PTBP3: variants seen among roughly 807,000 people sequenced by gnomAD.
PTBP3 encodes polypyrimidine tract-binding protein 3.
In PTBP3, 20 loss-of-function variants were observed where a neutral mutation model predicts 58.7. That is an observed-to-expected ratio of 0.34 (90% CI 0.24 to 0.50). The LOEUF (loss-of-function observed/expected upper bound fraction) is 0.50, where lower values mean the gene tolerates loss of function less well. Ranked by LOEUF, PTBP3 falls within the 20% of genes least tolerant of loss-of-function variation. The probability of loss-of-function intolerance (pLI) is 0.98; values close to 1 mark genes in which losing one functional copy is unlikely to be tolerated. For synonymous variants in PTBP3, 185 were observed against 219.8 expected, an observed-to-expected ratio of 0.84 and a Z score of 1.40; for missense variants, 509 against 637.2, an observed-to-expected ratio of 0.80 and a Z score of 2.17.
At chr9:112,283,882 A>T (rs1827988995) in intron 2 of PTBP3, among the ~76,000 whole-genome samples, 1 of 152,202 alleles carries the variant, frequency 6.6e-6, no homozygotes, top group Non-Finnish European at 1.5e-5. Flanking sequence ...AAAAGGGGCC[A>T]AGGTACAGCT....
Position 112,291,126 on chromosome 9 carries a change from G to C in PTBP3, c.34+6706C>G, listed in dbSNP as rs1267470281. On this transcript the variant is annotated intron_variant, in intron 2 of 13. Transcript: ENST00000374257. Reference sequence around the variant, plus strand: ...AGTCCCAGCTACTTGGGAGGCTGAGGCAGGATAATCACTTCAACCTGGGAG... The same window carrying C: ...AGTCCCAGCTACTTGGGAGGCTGAGCCAGGATAATCACTTCAACCTGGGAG... 5.3e-5 allele frequency among the ~76,000 whole-genome samples: 8 copies of C among 152,120 alleles called. No individual in the cohort carries two copies. In the South Asian group the frequency reaches 1.7e-3, roughly 32 times the overall value.
chr9:112,280,359 GTTTA>G (rs146376016), intron 2 of PTBP3, among the ~76,000 whole-genome samples: 40,030 of 151,440 alleles, frequency 0.26, 6,513 homozygotes, highest in South Asian at 0.41. Flanking sequence ...CTGGGCTGCT[GTTTA>G]TTTATTATTT....
At chr9:112,277,580 G>A (rs1268630606) in intron 2 of PTBP3, among the ~76,000 whole-genome samples, 3 of 151,820 alleles carry the variant, frequency 2.0e-5, no homozygotes, top group South Asian at 2.1e-4. Flanking sequence ...TATCAGGCCC[G>A]GCACAGTGAT....
chr9:112,291,571 C>T lies in PTBP3; in HGVS notation c.34+6261G>A, dbSNP rs1018299324. Among the ~76,000 whole-genome samples, 7 of 152,250 alleles carry T rather than the reference C, an allele frequency of 4.6e-5. No individual in the cohort carries two copies. The East Asian group carries it at 5.8e-4, about 13-fold the overall frequency. On this transcript the variant is annotated intron_variant, in intron 2 of 13. Transcript: ENST00000374257. ...ACCCAGAAATAAACTCTCACTTACACGTTCAAATGATCTTCAACAAAGATG... is the reference window on the plus strand; with the variant it reads ...ACCCAGAAATAAACTCTCACTTACATGTTCAAATGATCTTCAACAAAGATG...
intron 2 of PTBP3, among the ~76,000 whole-genome samples, chr9:112,295,717 G>A (rs1420363572): frequency 6.6e-6 from 1 of 151,848 alleles, no homozygotes; most frequent in Non-Finnish European, 1.5e-5. Flanking sequence ...GAAAAGTGTG[G>A]AACTTTTTCA....
intron 2 of PTBP3, among the ~76,000 whole-genome samples, chr9:112,294,449 T>C (rs978087353): frequency 3.3e-5 from 5 of 152,088 alleles, no homozygotes; most frequent in Admixed American, 2.6e-4. Flanking sequence ...ACCCAGGAGG[T>C]TGAGGCTGCA....
At chr9:112,329,986 C>T (rs1267821023) in intron 1 of PTBP3, among the ~76,000 whole-genome samples, 1 of 151,898 alleles carries the variant, frequency 6.6e-6, no homozygotes, top group East Asian at 1.9e-4. Context: ...GCTGGAACTA[C>T]AGGCACGCAC....
chr9:112,341,580 G>A, the PTBP3 span, among the ~76,000 whole-genome samples: 1 of 152,146 alleles, frequency 6.6e-6, no homozygotes, highest in Non-Finnish European at 1.5e-5. Flanking sequence ...AAAGAATAGT[G>A]TGAGTTGAGG....
At chr9:112,218,158 C>A (rs1022216690), downstream of PTBP3, 4 of 152,226 alleles carry the variant, frequency 2.6e-5, no homozygotes, top group Non-Finnish European at 4.4e-5. Flanking sequence ...TGCCGCCATG[C>A]CCCTGCATTA....
intron 4 of PTBP3, among the ~76,000 whole-genome samples, chr9:112,265,851 A>G (rs1836778202): frequency 6.6e-6 from 1 of 152,004 alleles, no homozygotes; most frequent in African/African-American, 2.4e-5. Context: ...CTCTTGGAGT[A>G]AAAAAAAGAC....
At chr9:112,252,501 G>GTAA (rs932691260) in intron 6 of PTBP3, 177 bp downstream of exon 6, 7 of 563,194 alleles carry the variant, frequency 1.2e-5, no homozygotes, top group African/African-American at 4.8e-5. Context: ...ATATGAAGTA[G>GTAA]TAATGATTTT....
At chr9:112,304,439 G>C (rs774094329) in intron 1 of PTBP3, among the ~76,000 whole-genome samples, 1 of 152,104 alleles carries the variant, frequency 6.6e-6, no homozygotes, top group Non-Finnish European at 1.5e-5. Flanking sequence ...GAAATGGCTG[G>C]ATCATATTTC....
At chr9:112,305,862 C>A (rs1829173992) in intron 1 of PTBP3, among the ~76,000 whole-genome samples, 1 of 152,156 alleles carries the variant, frequency 6.6e-6, no homozygotes, top group African/African-American at 2.4e-5. Flanking sequence ...ATGGCATGAT[C>A]CCAGGAGGCG....
Position 112,220,027 on chromosome 9 carries a change from T to G in PTBP3, c.*3824A>C, listed in dbSNP as rs1372902149. 4.8e-6 allele frequency: 5 copies of G among 1,045,746 alleles called. No homozygotes were observed. Among genetic ancestry groups the G allele is most frequent in the Non-Finnish European group, 6.0e-6 (5 of 832,846 alleles). 64.8% of individuals were successfully genotyped at this position (1,045,746 alleles called of 1,614,324 possible). A position where few individuals can be genotyped will look rare whatever the true frequency, so the allele number is the denominator to read the frequency against. On this transcript the variant is annotated 3_prime_UTR_variant, in exon 14 of 14. Coordinates refer to ENST00000374257, the MANE Select transcript of PTBP3 (RefSeq NM_001163788.4). ...TAGTAGAGTATTTTGAGTCTGGCAG[T>G]TTTGTTCTCATTAACAGATCAAGAC...
At chr9:112,301,258 A>C (rs1348315973) in intron 1 of PTBP3, among the ~76,000 whole-genome samples, 1 of 152,008 alleles carries the variant, frequency 6.6e-6, no homozygotes, top group Non-Finnish European at 1.5e-5. Flanking sequence ...GTCATTAAGG[A>C]AATGCAAATC....
At chr9:112,269,620 G>A (rs899156176) in intron 3 of PTBP3, among the ~76,000 whole-genome samples, 5 of 152,200 alleles carry the variant, frequency 3.3e-5, no homozygotes, top group Non-Finnish European at 1.5e-5. Context: ...TCTAAAACAT[G>A]AAGCACTGCC....
At chr9:112,376,195 ATACGTGTG>A in the PTBP3 span, among the ~76,000 whole-genome samples, 11 of 58,328 alleles carry the variant, frequency 1.9e-4, no homozygotes, top group Admixed American at 5.8e-4. Context: ...ACTTCCTTAT[ATACGTGTG>A]TGTGTGTGTG....
intron 7 of PTBP3, among the ~76,000 whole-genome samples, chr9:112,248,529 GATAA>G (rs1430744172): frequency 6.6e-6 from 1 of 151,916 alleles, no homozygotes; most frequent in Non-Finnish European, 1.5e-5. Context: ...TGTATGAGAG[GATAA>G]ATAATAAAAA....
chr9:112,365,304 T>C, the PTBP3 span, among the ~76,000 whole-genome samples: 1 of 152,108 alleles, frequency 6.6e-6, no homozygotes, highest in Admixed American at 6.6e-5. Context: ...ATAATTCCCA[T>C]GTGTTGTGGG....
Sources: gnomAD v4.1 joint callset for allele counts (sites outside exome capture counted in the v4.1 genomes callset) on GRCh38, gnomAD v4.1.1 for gene constraint, MANE v1.5 for transcripts, NCBI Gene and HGNC (gene_info 2026-07-23, HGNC 2026-07-21) for gene names.